Variants in COL27A1 observed in about 807,000 individuals in gnomAD.
COL27A1 encodes the protein collagen type XXVII alpha 1 chain.
COL27A1 carries 106 observed loss-of-function variants against 251.3 expected under a neutral mutation model. The ratio of observed to expected loss-of-function variants is 0.42; its 90% CI spans 0.36 to 0.50. The LOEUF (loss-of-function observed/expected upper bound fraction) is 0.50, where lower values mean the gene tolerates loss of function less well. Ranked by LOEUF, COL27A1 falls within the 20% of genes least tolerant of loss-of-function variation. COL27A1 has a pLI of 0.00. For synonymous variants in COL27A1, 1,000 were observed against 986.3 expected (o/e 1.01, Z -0.26); for missense variants, 2,325 against 2,522.8 (o/e 0.92, Z 1.68).
At chr9:114,266,512 A>G in intron 32 of COL27A1, 53 bp from the exon 33 acceptor site, 1 of 1,529,176 alleles carries the variant, frequency 6.5e-7, no homozygotes, top group Non-Finnish European at 9.0e-7. Flanking sequence ...CAGATCCCAA[A>G]GAGGGCCCAG....
At chr9:114,166,377 A>ATCCGTCCATCCATCCC (rs879801003) in intron 2 of COL27A1, among the ~76,000 whole-genome samples, 1 of 149,040 alleles carries the variant, frequency 6.7e-6, no homozygotes, top group Non-Finnish European at 1.5e-5. Flanking sequence ...CAATCCATCC[A>ATCCGTCCATCCATCCC]TCCATCCATC....
In COL27A1 at chr9:114,312,396, C is replaced by G. The variant is rs1434369739; in HGVS notation, c.*1701C>G. The G allele has an allele frequency of 6.6e-6, 1 of 152,204 alleles. No homozygotes were observed. The highest frequency in any genetic ancestry group is 1.5e-5 in the Non-Finnish European group (1 of 68,060). 9.4% of individuals were successfully genotyped at this position (152,204 alleles called of 1,614,324 possible). The stretch of plus-strand genomic sequence containing the variant: ...GCCTCTGTCTCATTCTTGGGTTTTC[C>G]TGCTGTCTTCGTTTACGTCTCTGTC... On this transcript the variant is annotated 3_prime_UTR_variant, in exon 61 of 61. Transcript: ENST00000356083.
At chr9:114,179,333 C>T (rs931434927) in intron 4 of COL27A1, among the ~76,000 whole-genome samples, 3 of 152,104 alleles carry the variant, frequency 2.0e-5, no homozygotes, top group African/African-American at 4.8e-5. Context: ...TCATGAAGCA[C>T]GTGCCCTCTG....
chr9:114,238,474 C>T (rs955459896), intron 19 of COL27A1, among the ~76,000 whole-genome samples: 1 of 152,198 alleles, frequency 6.6e-6, no homozygotes, highest in Non-Finnish European at 1.5e-5. Flanking sequence ...ACTCCCTAGC[C>T]TCCAGGTCTT....
At position 114,300,696 on chromosome 9, in the gene COL27A1, C is replaced by A. The variant is rs374574395; in HGVS notation, c.4701+9C>A. Reference sequence around the variant, plus strand: ...GGCCACCTGGCTTGATGGTGAGTTCCCTCCCTGCTGTCGGAGCAGAGATGA... The same window carrying A: ...GGCCACCTGGCTTGATGGTGAGTTCACTCCCTGCTGTCGGAGCAGAGATGA... On this transcript the variant is annotated intron_variant, in intron 51 of 60. Coordinates refer to ENST00000356083, the MANE Select transcript of COL27A1 (RefSeq NM_032888.4). The A allele has an allele frequency of 6.7e-6, 10 of 1,498,228 alleles. No individual in the cohort carries two copies. In the South Asian group the frequency reaches 1.4e-4, roughly 20 times the overall value. The allele number at this position is 1,498,228 out of a possible 1,614,324, so 92.8% of individuals were successfully genotyped here. A position where few individuals can be genotyped will look rare whatever the true frequency, so the allele number is the denominator to read the frequency against.
intron 22 of COL27A1, 122 bp from the exon 23 acceptor site, chr9:114,243,385 G>A: frequency 2.5e-6 from 2 of 786,164 alleles, no homozygotes; most frequent in Admixed American, 2.1e-5. Context: ...ATATGCCCCT[G>A]TCCACCAGGG....
chr9:114,261,199 G>A (rs1254320290), intron 28 of COL27A1, among the ~76,000 whole-genome samples: 1 of 152,190 alleles, frequency 6.6e-6, no homozygotes, highest in Non-Finnish European at 1.5e-5. Context: ...AAGAGCTGTG[G>A]TTGGCCAGAT....
intron 14 of COL27A1, among the ~76,000 whole-genome samples, chr9:114,228,792 T>C (rs1208334481): frequency 1.3e-5 from 2 of 152,194 alleles, no homozygotes; most frequent in African/African-American, 4.8e-5. Context: ...AGTGAGACTG[T>C]TTGATGGGAC....
At chr9:114,180,131 C>T (rs540941653) in intron 4 of COL27A1, among the ~76,000 whole-genome samples, 16 of 151,810 alleles carry the variant, frequency 1.1e-4, no homozygotes, top group African/African-American at 3.1e-4. Flanking sequence ...TGAGCCACTG[C>T]GCCTAGCCCA....
chr9:114,157,502 C>G lies in COL27A1; in HGVS notation c.62+1490C>G, dbSNP rs563633957. On this transcript the variant is annotated intron_variant, in intron 1 of 60. Coordinates refer to ENST00000356083, the MANE Select transcript of COL27A1 (RefSeq NM_032888.4). The stretch of plus-strand genomic sequence containing the variant: ...TCAGAACATTCTCCCTCTCCTGTGC[C>G]TCCACCAGCGCTGCGGACCCTCAGC... Among the ~76,000 whole-genome samples, 165 of 152,378 alleles carry G rather than the reference C, an allele frequency of 1.1e-3. 3 individuals carry two copies. The highest frequency in any genetic ancestry group is 1.3e-3 in the East Asian group (7 of 5,186).
At chr9:114,164,615 G>C (rs2135041680) in intron 2 of COL27A1, among the ~76,000 whole-genome samples, 1 of 152,318 alleles carries the variant, frequency 6.6e-6, no homozygotes, top group South Asian at 2.1e-4. Context: ...GGCCCTCCGG[G>C]GGTTGTTGAG....
intron 24 of COL27A1, among the ~76,000 whole-genome samples, chr9:114,248,192 G>A (rs1427287684): frequency 1.3e-5 from 2 of 152,178 alleles, no homozygotes; most frequent in Admixed American, 1.3e-4. Context: ...CTGAGCCCTG[G>A]CCTGTCTCTA....
chr9:114,227,934 C>T lies in COL27A1; in HGVS notation c.2467-3145C>T, dbSNP rs143901649. On this transcript the variant is annotated intron_variant, in intron 14 of 60. Coordinates refer to ENST00000356083, the MANE Select transcript of COL27A1 (RefSeq NM_032888.4). ...GGCCTGGAGTTTTCTTTGTTCCTCCCGGAAATGCTTTTGTAGCCCAATGTG... is the reference window on the plus strand; with the variant it reads ...GGCCTGGAGTTTTCTTTGTTCCTCCTGGAAATGCTTTTGTAGCCCAATGTG... Among the ~76,000 whole-genome samples the T allele has an allele frequency of 9.8e-3, 1,488 of 152,232 alleles. 28 individuals carry two copies. The highest frequency in any genetic ancestry group is 0.034 in the African/African-American group (1,400 of 41,542).
At chr9:114,230,461 A>G (rs1170829936) in intron 14 of COL27A1, among the ~76,000 whole-genome samples, 1 of 152,160 alleles carries the variant, frequency 6.6e-6, no homozygotes, top group Non-Finnish European at 1.5e-5. Flanking sequence ...CTAGGTCGGG[A>G]ACTCCATTTT....
At chr9:114,255,697 C>G (rs991419209) in intron 27 of COL27A1, among the ~76,000 whole-genome samples, 1 of 152,186 alleles carries the variant, frequency 6.6e-6, no homozygotes, top group Non-Finnish European at 1.5e-5. Flanking sequence ...ACTGCTGTTT[C>G]TGATCCCAAG....
Position 114,288,455 on chromosome 9 carries a change from G to A in COL27A1, c.3988G>A (p.Gly1330Arg), listed in dbSNP as rs1416466386. The A allele has an allele frequency of 6.2e-7, 1 of 1,609,872 alleles. No homozygotes were observed. Among genetic ancestry groups the A allele is most frequent in the African/African-American group, 1.3e-5 (1 of 74,942 alleles). Residue 1330 changes from glycine to arginine, a missense_variant and splice_region_variant, in exon 42 of 61, where the codon GGG becomes AGG. By Grantham distance (125) the Gly-to-Arg change is moderately radical. This residue lies in a region of COL27A1 where 662 missense variants were observed against 795.3 expected (regional missense o/e 0.83). Coordinates refer to ENST00000356083, the MANE Select transcript of COL27A1 (RefSeq NM_032888.4). ...LGPPGPKGEK[G>R]EQGEDGKAEG... Reference sequence around the variant, plus strand: ...CCTAAAGCTGGTTCTGTGTCCACAGGGGGAGCAGGGCGAGGACGGCAAGGC... The same window carrying A: ...CCTAAAGCTGGTTCTGTGTCCACAGAGGGAGCAGGGCGAGGACGGCAAGGC...
chr9:114,266,027 A>T (rs879429718), intron 32 of COL27A1, among the ~76,000 whole-genome samples: 3 of 152,180 alleles, frequency 2.0e-5, no homozygotes, highest in Non-Finnish European at 2.9e-5. Context: ...GTGGGGGGAC[A>T]GTCCAGGAAC....
intron 57 of COL27A1, among the ~76,000 whole-genome samples, chr9:114,305,348 G>A (rs1414126087): frequency 2.0e-5 from 3 of 152,162 alleles, no homozygotes; most frequent in Admixed American, 6.5e-5. Context: ...CCATCTGTCC[G>A]GGGAGGTCAG....
intron 56 of COL27A1, among the ~76,000 whole-genome samples, chr9:114,304,097 A>C (rs1302657966): frequency 2.0e-5 from 3 of 152,228 alleles, no homozygotes; most frequent in Non-Finnish European, 4.4e-5. Context: ...CGGCTTGAAC[A>C]ACTAAACTGT....
Sources: gnomAD v4.1 joint callset for allele counts (sites outside exome capture counted in the v4.1 genomes callset) on GRCh38, gnomAD v4.1.1 for gene constraint, gnomAD v4.1.1 regional missense constraint, MANE v1.5 for transcripts, NCBI Gene and HGNC (gene_info 2026-07-23, HGNC 2026-07-21) for gene names.